Variants in ADAM28 observed in about 807,000 individuals in gnomAD.
The protein encoded by ADAM28 is ADAM metallopeptidase domain 28, also known as disintegrin and metalloproteinase domain-containing protein 28.
A neutral mutation model predicts 101.2 loss-of-function variants in ADAM28; 105 were observed. That is an observed-to-expected ratio of 1.04 (90% confidence interval 0.89 to 1.22). The LOEUF (loss-of-function observed/expected upper bound fraction) is 1.22, where lower values mean the gene tolerates loss of function less well. Ranked by LOEUF, ADAM28 falls within the 50% of genes most tolerant of loss-of-function variation. The pLI, the probability that ADAM28 is intolerant of heterozygous loss-of-function variation, is 0.00. For synonymous variants in ADAM28, 322 were observed against 310.6 expected (o/e 1.04, Z -0.39); for missense variants, 1,028 against 945.4 (o/e 1.09, Z -1.15).
chr8:24,351,540 A>ACCGGATGT (rs1409120150), intron 20 of ADAM28: 3 of 582,956 alleles, frequency 5.1e-6, no homozygotes, highest in African/African-American at 3.7e-5. Context: ...GAATGCACAT[A>ACCGGATGT]CCGGATGTCT....
chr8:24,303,044 C>A (rs1290799041), intron 2 of ADAM28, among the ~76,000 whole-genome samples: 2 of 150,848 alleles, frequency 1.3e-5, no homozygotes, highest in African/African-American at 4.9e-5. Context: ...GCATATTTGA[C>A]CTTTGTCAGA....
At chr8:24,321,018 GA>G (rs1307161036) in intron 7 of ADAM28, among the ~76,000 whole-genome samples, 199 bp from the exon 8 acceptor site, 2 of 151,890 alleles carry the variant, frequency 1.3e-5, no homozygotes, top group African/African-American at 4.8e-5. Flanking sequence ...CTTCAGAAGA[GA>G]AAACATCATA....
At chr8:24,319,502 C>T (rs192541966) in intron 6 of ADAM28, among the ~76,000 whole-genome samples, 5 of 152,076 alleles carry the variant, frequency 3.3e-5, no homozygotes, top group African/African-American at 4.8e-5. Flanking sequence ...GTACATGTCT[C>T]ATCAGATAAT....
intron 2 of ADAM28, among the ~76,000 whole-genome samples, chr8:24,306,389 A>AATAT (rs1050085696): frequency 2.6e-5 from 3 of 117,384 alleles, no homozygotes; most frequent in Non-Finnish European, 3.6e-5. Context: ...TATATATTTA[A>AATAT]AAATATATAT....
At position 24,320,235 on chromosome 8, in the gene ADAM28, G is replaced by A. The variant is rs370669549; in HGVS notation, c.577-1G>A. On this transcript the variant is annotated splice_acceptor_variant, in intron 6 of 22. Coordinates refer to ENST00000265769, the MANE Select transcript of ADAM28 (RefSeq NM_014265.6). LOFTEE classifies it high-confidence loss of function. The stretch of plus-strand genomic sequence containing the variant: ...CAGTAATTCTACTCTTTATATTTCA[G>A]AAATTGAAAGACAGGAAGGTTCAGG... 6.9e-6 allele frequency: 11 copies of A among 1,582,776 alleles called. No individual in the cohort carries two copies. The highest frequency in any genetic ancestry group is 6.8e-5 in the East Asian group (3 of 44,344).
At chr8:24,344,047 T>C (rs1274920117) in intron 18 of ADAM28, among the ~76,000 whole-genome samples, 2 of 152,208 alleles carry the variant, frequency 1.3e-5, no homozygotes, top group Non-Finnish European at 2.9e-5. Flanking sequence ...TATGTGATCC[T>C]TAGTTCAATG....
In ADAM28 at chr8:24,323,904, A is replaced by G. The variant is rs1205336781; in HGVS notation, c.791A>G (p.Lys264Arg). The stretch of plus-strand genomic sequence containing the variant: ...ATCTGGACTGACAAGGATAAGATAA[A>G]GATAACCCCAAATGCAAGCTTCACC... ...MEIWTDKDKI[K>R]ITPNASFTLE... Residue 264 changes from lysine (K) to arginine (R), a missense_variant, in exon 9 of 23, where the codon AAG becomes AGG. Coordinates refer to ENST00000265769, the MANE Select transcript of ADAM28 (RefSeq NM_014265.6). The G allele has an allele frequency of 3.1e-6, 5 of 1,612,348 alleles. No individual in the cohort carries two copies. Among genetic ancestry groups the G allele is most frequent in the Non-Finnish European group, 3.4e-6 (4 of 1,178,850 alleles).
Position 24,358,499 on chromosome 8 carries a change from T to C in ADAM28, c.*4095T>C, listed in dbSNP as rs1053778446. ...CAAGAGTGGCACAGCTGTGTGGAGA[T>C]ACTGAGCTCCACCTTGTCAGGGAAG... On this transcript the variant is annotated 3_prime_UTR_variant, in exon 23 of 23. Transcript: ENST00000265769. The C allele has an allele frequency of 2.0e-5, 3 of 152,200 alleles. No individual in the cohort carries two copies. The highest frequency in any genetic ancestry group is 4.4e-5 in the Non-Finnish European group (3 of 68,042). 9.4% of individuals were successfully genotyped at this position (152,200 alleles called of 1,614,324 possible). A position where few individuals can be genotyped will look rare whatever the true frequency, so the allele number is the denominator to read the frequency against.
intron 19 of ADAM28, 95 bp downstream of exon 19, chr8:24,350,067 G>T: frequency 9.3e-7 from 1 of 1,080,798 alleles, no homozygotes. Flanking sequence ...AAATTGAATT[G>T]GTTTACTTCT....
chr8:24,321,311 G>A (rs762584103), intron 8 of ADAM28, 22 bp downstream of exon 8: 9 of 1,560,124 alleles, frequency 5.8e-6, no homozygotes, highest in Non-Finnish European at 5.3e-6. Flanking sequence ...TTTATTACCT[G>A]CAGTTTTAAA....
chr8:24,320,048 C>T (rs1475742576), intron 6 of ADAM28, among the ~76,000 whole-genome samples, 188 bp from the exon 7 acceptor site: 1 of 151,880 alleles, frequency 6.6e-6, no homozygotes, highest in Admixed American at 6.6e-5. Flanking sequence ...GCTGGTGTCC[C>T]TTCACCTCCA....
intron 14 of ADAM28, 114 bp downstream of exon 14, chr8:24,335,755 C>G: frequency 1.6e-6 from 2 of 1,275,758 alleles, no homozygotes; most frequent in Non-Finnish European, 2.0e-6. Flanking sequence ...AAGCTTTGAA[C>G]TCAAAATCAT....
intron 18 of ADAM28, among the ~76,000 whole-genome samples, chr8:24,346,491 T>C (rs1288759991): frequency 1.3e-5 from 2 of 152,160 alleles, no homozygotes; most frequent in African/African-American, 4.8e-5. Context: ...TTATGCCTTT[T>C]ATGAATGAAT....
chr8:24,349,560 A>G (rs1214245569), intron 18 of ADAM28, among the ~76,000 whole-genome samples: 6 of 152,124 alleles, frequency 3.9e-5, no homozygotes, highest in South Asian at 2.1e-4. Flanking sequence ...CTTACTGTAT[A>G]TTCTCTTCTA....
At chr8:24,310,435 A>T (rs1433003734) in intron 4 of ADAM28, 194 bp downstream of exon 4, 2 of 519,718 alleles carry the variant, frequency 3.8e-6, no homozygotes, top group Non-Finnish European at 6.6e-6. Context: ...ATTTCTTGGC[A>T]ACTCCGGTAA....
chr8:24,297,536 T>A (rs540734866), intron 1 of ADAM28, among the ~76,000 whole-genome samples: 58 of 152,334 alleles, frequency 3.8e-4, no homozygotes, highest in African/African-American at 1.4e-3. Flanking sequence ...GAATCATGTG[T>A]GTTCTAATAT....
intron 18 of ADAM28, among the ~76,000 whole-genome samples, chr8:24,347,968 A>ATCTT (rs1443897776): frequency 6.6e-6 from 1 of 151,956 alleles, no homozygotes; most frequent in East Asian, 1.9e-4. Flanking sequence ...TAGTACTCAC[A>ATCTT]TCTTTGGTTT....
chr8:24,327,023 A>G (rs1247274900), intron 10 of ADAM28, among the ~76,000 whole-genome samples: 5 of 152,240 alleles, frequency 3.3e-5, no homozygotes, highest in South Asian at 4.1e-4. Flanking sequence ...CCTATTTAAC[A>G]TAGTATTGGA....
Position 24,331,285 on chromosome 8 carries a change from G to A in ADAM28, c.1239G>A (p.Gln413=), listed in dbSNP as rs774833857. The change falls in exon 12 of 23, where the codon CAG becomes CAA. Residue 413 remains glutamine (Q), a synonymous_variant. Coordinates refer to ENST00000265769, the MANE Select transcript of ADAM28 (RefSeq NM_014265.6). The stretch of plus-strand genomic sequence containing the variant: ...TATCCACTCCAATTTGTGGGAACCA[G>A]TTGGTGGAAATGGGAGAGGACTGTG... ...DIISTPICGN[Q]LVEMGEDCDC... is the part of the protein sequence containing the mutation. 11 of 1,612,518 alleles carry A rather than the reference G, an allele frequency of 6.8e-6. No homozygotes were observed. The African/African-American group carries it at 1.5e-4, about 22-fold the overall frequency.
Sources: gnomAD v4.1 joint callset for allele counts (sites outside exome capture counted in the v4.1 genomes callset) on GRCh38, gnomAD v4.1.1 for gene constraint, MANE v1.5 for transcripts, NCBI Gene and HGNC (gene_info 2026-07-23, HGNC 2026-07-21) for gene names.